Variants in CPB2 observed in about 807,000 individuals in gnomAD.
The protein encoded by CPB2 is carboxypeptidase B-like protein.
CPB2 carries 54 observed loss-of-function variants against 57.0 expected under a neutral mutation model. The observed-to-expected ratio is 0.95, with a 90% CI of 0.76 to 1.19. CPB2 has a LOEUF of 1.19. CPB2 is among the 50% of genes most tolerant of loss of function. The probability of loss-of-function intolerance (pLI) is 0.00; values close to 1 mark genes in which losing one functional copy is unlikely to be tolerated. For missense variants in CPB2, 426 were observed against 512.0 expected (o/e 0.83, Z 1.62); for synonymous variants, 189 against 178.1 (o/e 1.06, Z -0.49).
At chr13:46,075,392 AATCCCAGAGACTCACATT>A (rs796939386) in intron 5 of CPB2, among the ~76,000 whole-genome samples, 3 of 152,354 alleles carry the variant, frequency 2.0e-5, no homozygotes, top group African/African-American at 7.2e-5. Flanking sequence ...AAGTTGGCAA[AATCCCAGAGACTCACATT>A]ATCTGCACAT....
intron 6 of CPB2, among the ~76,000 whole-genome samples, chr13:46,071,149 G>A (rs1459562715): frequency 6.6e-6 from 1 of 152,154 alleles, no homozygotes; most frequent in Non-Finnish European, 1.5e-5. Flanking sequence ...CTCCAGAAGA[G>A]CAGGTCAAGG....
At chr13:46,076,785 G>A (rs569367064) in intron 5 of CPB2, among the ~76,000 whole-genome samples, 1 of 152,106 alleles carries the variant, frequency 6.6e-6, no homozygotes, top group Admixed American at 6.5e-5. Context: ...TAAATCCACA[G>A]ATCTACAGTT....
intron 2 of CPB2, 118 bp from the exon 3 acceptor site, chr13:46,084,461 T>C (rs2139397077): frequency 9.5e-7 from 1 of 1,052,386 alleles, no homozygotes; most frequent in Non-Finnish European, 1.4e-6. Context: ...CACTCCCTGG[T>C]GCTGGTCCCC....
At chr13:46,075,771 A>G in intron 5 of CPB2, among the ~76,000 whole-genome samples, 1 of 152,374 alleles carries the variant, frequency 6.6e-6, no homozygotes, top group South Asian at 2.1e-4. Context: ...ACTAAATTAA[A>G]TGTACATTTT....
At chr13:46,073,780 A>G in intron 6 of CPB2, 93 bp downstream of exon 6, 2 of 743,838 alleles carry the variant, frequency 2.7e-6, no homozygotes, top group South Asian at 3.4e-5. Context: ...TGACCTAGGA[A>G]AATGCATTTT....
intron 4 of CPB2, among the ~76,000 whole-genome samples, chr13:46,081,673 A>C (rs1006438328): frequency 6.6e-6 from 1 of 152,238 alleles, no homozygotes; most frequent in African/African-American, 2.4e-5. Flanking sequence ...CTGGGCACTT[A>C]GTCAAAGATG....
Position 46,097,950 on chromosome 13 carries a change from C to T in CPB2, c.74+6986G>A, listed in dbSNP as rs548183960. ...TGTTACTGTCCAGTCATTTCAGTTTCCTCATGCTGATTGATTATCAGGAAG... is the reference window on the plus strand; with the variant it reads ...TGTTACTGTCCAGTCATTTCAGTTTTCTCATGCTGATTGATTATCAGGAAG... On this transcript the variant is annotated intron_variant, in intron 1 of 10. Coordinates refer to ENST00000181383, the MANE Select transcript of CPB2 (RefSeq NM_001872.5). Among the ~76,000 whole-genome samples the T allele has an allele frequency of 4.6e-5, 7 of 152,342 alleles. No individual in the cohort carries two copies. The East Asian group carries it at 1.3e-3, about 29-fold the overall frequency.
chr13:46,104,760 T>C (rs1360612860), intron 1 of CPB2, among the ~76,000 whole-genome samples, 176 bp downstream of exon 1: 1 of 152,228 alleles, frequency 6.6e-6, no homozygotes, highest in African/African-American at 2.4e-5. Context: ...CTGTCTTTAG[T>C]GATAGCCCAT....
At chr13:46,074,099 G>T in intron 5 of CPB2, 122 bp from the exon 6 acceptor site, 1 of 501,610 alleles carries the variant, frequency 2.0e-6, no homozygotes, top group Non-Finnish European at 3.5e-6. Flanking sequence ...GCATTGTTCT[G>T]CATTTCTTTG....
chr13:46,088,931 A>G (rs79163978), intron 1 of CPB2, among the ~76,000 whole-genome samples: 1,566 of 150,398 alleles, frequency 0.01, 20 homozygotes, highest in South Asian at 0.051. Context: ...TATGTATTGC[A>G]AATATCTTCT....
chr13:46,085,680 A>G (rs1249850912), intron 2 of CPB2, among the ~76,000 whole-genome samples: 3 of 152,164 alleles, frequency 2.0e-5, no homozygotes, highest in Admixed American at 6.5e-5. Context: ...ATCCTCCAAC[A>G]GCATTCCCCT....
intron 3 of CPB2, among the ~76,000 whole-genome samples, chr13:46,082,987 A>G (rs753839631): frequency 1.3e-5 from 2 of 149,378 alleles, no homozygotes; most frequent in Non-Finnish European, 3.0e-5. Context: ...TTTTTCCCCC[A>G]TTGACCTGCA....
chr13:46,085,939 C>T (rs2045196709), intron 2 of CPB2, among the ~76,000 whole-genome samples: 1 of 152,094 alleles, frequency 6.6e-6, no homozygotes, highest in African/African-American at 2.4e-5. Context: ...GCGAGCTGAG[C>T]GGTGAGGGGT....
chr13:46,058,278 G>C lies in CPB2; in HGVS notation c.900C>G (p.Ile300Met). Residue 300 changes from isoleucine to methionine, a missense_variant, in exon 9 of 11, where the codon ATC becomes ATG. Transcript: ENST00000181383. ...KAVASFLRRN[I>M]NQIKAYISMH... ...TGCTGATGTATGCTTTAATCTGGTT[G>C]ATATTTCTTCTCAAGAAACTAGCCA... 1 of 1,614,002 alleles carries C rather than the reference G, an allele frequency of 6.2e-7. No homozygotes were observed. The highest frequency in any genetic ancestry group is 8.5e-7 in the Non-Finnish European group (1 of 1,179,874).
Position 46,053,494 on chromosome 13 carries a change from G to A in CPB2, c.*120C>T. ...TATTAGGTTCTCTGACAGAACCAAG[G>A]AATAGGAAAATCTTTTATCAAAACT... On this transcript the variant is annotated 3_prime_UTR_variant, in exon 11 of 11. Coordinates refer to ENST00000181383, the MANE Select transcript of CPB2 (RefSeq NM_001872.5). The A allele has an allele frequency of 6.9e-7, 1 of 1,458,310 alleles. No individual in the cohort carries two copies. Among genetic ancestry groups the A allele is most frequent in the South Asian group, 1.4e-5 (1 of 69,338 alleles). 90.3% of individuals were successfully genotyped at this position (1,458,310 alleles called of 1,614,324 possible). A position where few individuals can be genotyped will look rare whatever the true frequency, so the allele number is the denominator to read the frequency against.
chr13:46,086,046 C>T (rs1189050904), intron 2 of CPB2, among the ~76,000 whole-genome samples: 1 of 152,148 alleles, frequency 6.6e-6, no homozygotes, highest in African/African-American at 2.4e-5. Context: ...AAGGCTGTGG[C>T]TGGACCAGGT....
chr13:46,069,173 A>G (rs962707394), intron 6 of CPB2, among the ~76,000 whole-genome samples: 2 of 152,226 alleles, frequency 1.3e-5, no homozygotes, highest in East Asian at 3.9e-4. Flanking sequence ...TAGGCCCAGA[A>G]CAATGTTACC....
intron 1 of CPB2, among the ~76,000 whole-genome samples, chr13:46,104,152 T>C (rs1320910596): frequency 2.6e-5 from 4 of 152,224 alleles, no homozygotes; most frequent in African/African-American, 9.6e-5. Flanking sequence ...CTTTGCCCTA[T>C]GTCTCTTCTT....
chr13:46,059,617 ATCAT>A (rs2044743820), intron 8 of CPB2, among the ~76,000 whole-genome samples: 1 of 138,462 alleles, frequency 7.2e-6, no homozygotes, highest in Non-Finnish European at 1.6e-5. Context: ...CATCATCATC[ATCAT>A]GTGGACTGAG....
Sources: gnomAD v4.1 joint callset for allele counts (sites outside exome capture counted in the v4.1 genomes callset) on GRCh38, gnomAD v4.1.1 for gene constraint, MANE v1.5 for transcripts, NCBI Gene and HGNC (gene_info 2026-07-23, HGNC 2026-07-21) for gene names.